Variants in MGAT4C observed in about 807,000 individuals in gnomAD.
MGAT4C encodes alpha-1,3-mannosyl-glycoprotein 4-beta-N-acetylglucosaminyltransferase C.
A neutral mutation model predicts 40.1 loss-of-function variants in MGAT4C; 19 were observed. The observed-to-expected ratio is 0.47, with a 90% CI of 0.33 to 0.70. The LOEUF is 0.70. MGAT4C is among the 30% of genes least tolerant of loss of function. The probability of loss-of-function intolerance (pLI) is 0.02; values close to 1 mark genes in which losing one functional copy is unlikely to be tolerated. For missense variants in MGAT4C, 491 were observed against 563.2 expected, an observed-to-expected ratio of 0.87 and a Z score of 1.30; for synonymous variants, 181 against 187.1, an observed-to-expected ratio of 0.97 and a Z score of 0.27.
rs1958978240 is a variant in MGAT4C, at chr12:86,531,312, C to T, written c.-228-96047G>A. Among the ~76,000 whole-genome samples, 5 of 152,074 alleles carry T rather than the reference C, an allele frequency of 3.3e-5. No homozygotes were observed. The South Asian group carries it at 8.3e-4, about 25-fold the overall frequency. On this transcript the variant is annotated intron_variant, in intron 2 of 7. Coordinates refer to the MGAT4C transcript ENST00000548651. ...TCAAATGTGCACTCAAAGAGCTTAC[C>T]CCTGGAAACCACTTATAGACTTCAC...
At chr12:86,631,963 C>G (rs954990210) in intron 2 of MGAT4C, among the ~76,000 whole-genome samples, 1 of 152,040 alleles carries the variant, frequency 6.6e-6, no homozygotes, top group Non-Finnish European at 1.5e-5. Context: ...TCAGAGTGAA[C>G]AGGCAACCTA....
intron 1 of MGAT4C, among the ~76,000 whole-genome samples, chr12:86,791,347 C>CCA (rs1952017054): frequency 6.6e-6 from 1 of 151,796 alleles, no homozygotes; most frequent in South Asian, 2.1e-4. Flanking sequence ...TTGGAAAGGA[C>CCA]CAGATATCAT....
chr12:86,468,879 A>AT (rs1957719177), intron 2 of MGAT4C, among the ~76,000 whole-genome samples: 5 of 152,196 alleles, frequency 3.3e-5, no homozygotes, highest in Admixed American at 3.3e-4. Context: ...TGTAAATTAC[A>AT]TTTTTAACAC....
At chr12:86,496,090 C>T (rs1051432822) in intron 2 of MGAT4C, among the ~76,000 whole-genome samples, 27 of 152,024 alleles carry the variant, frequency 1.8e-4, no homozygotes, top group African/African-American at 6.0e-4. Context: ...GCAATACTTA[C>T]TGTCTCGGTG....
intron 4 of MGAT4C, among the ~76,000 whole-genome samples, chr12:86,315,246 A>T (rs1415186241): frequency 1.3e-5 from 2 of 152,198 alleles, no homozygotes; most frequent in African/African-American, 2.4e-5. Context: ...AAGTTAAAAA[A>T]AATAATAATA....
chr12:86,423,861 G>A (rs765717620), intron 3 of MGAT4C, among the ~76,000 whole-genome samples: 1 of 152,134 alleles, frequency 6.6e-6, no homozygotes, highest in Non-Finnish European at 1.5e-5. Flanking sequence ...TTTTAAAAAT[G>A]TATCTATTTA....
At chr12:86,484,761 C>A (rs959693057) in intron 2 of MGAT4C, among the ~76,000 whole-genome samples, 1 of 152,140 alleles carries the variant, frequency 6.6e-6, no homozygotes, top group African/African-American at 2.4e-5. Flanking sequence ...AGCCCAAATG[C>A]CCAGAACACC....
At chr12:86,385,933 T>C (rs1404637749) in intron 3 of MGAT4C, among the ~76,000 whole-genome samples, 1 of 152,164 alleles carries the variant, frequency 6.6e-6, no homozygotes, top group Admixed American at 6.5e-5. Context: ...TTATTTTTTA[T>C]TTATTTATTT....
At chr12:86,555,709 A>T (rs886958364) in intron 2 of MGAT4C, among the ~76,000 whole-genome samples, 1 of 152,178 alleles carries the variant, frequency 6.6e-6, no homozygotes, top group African/African-American at 2.4e-5. Context: ...ACAGCTGTAA[A>T]TCATATGCTT....
At chr12:86,090,848 C>A (rs1872753153) in intron 1 of MGAT4C, among the ~76,000 whole-genome samples, 1 of 151,938 alleles carries the variant, frequency 6.6e-6, no homozygotes, top group South Asian at 2.1e-4. Flanking sequence ...CATGCTTGGG[C>A]TACCTTCCTA....
intron 2 of MGAT4C, among the ~76,000 whole-genome samples, chr12:86,610,439 C>T (rs1962209824): frequency 1.3e-5 from 2 of 152,126 alleles, no homozygotes; most frequent in Non-Finnish European, 2.9e-5. Flanking sequence ...ATTATCCTCC[C>T]ATGTATCAGC....
At chr12:86,540,148 G>A (rs1959148532) in intron 2 of MGAT4C, among the ~76,000 whole-genome samples, 2 of 152,246 alleles carry the variant, frequency 1.3e-5, no homozygotes, top group South Asian at 4.1e-4. Context: ...GGTTTTTATG[G>A]TTTTAGGTCT....
intron 3 of MGAT4C, among the ~76,000 whole-genome samples, chr12:86,425,698 CCAGCCAAAA>C (rs1956912500): frequency 6.6e-6 from 1 of 152,140 alleles, no homozygotes; most frequent in Non-Finnish European, 1.5e-5. Context: ...AAATCTTGCA[CCAGCCAAAA>C]TCTTGCACCA....
intron 1 of MGAT4C, among the ~76,000 whole-genome samples, chr12:86,792,845 C>T (rs780161238): frequency 7.2e-5 from 11 of 152,056 alleles, no homozygotes; most frequent in Admixed American, 2.6e-4. Context: ...GCAGGAGAAT[C>T]GCTTGAACCT....
At chr12:86,118,359 G>T (rs1278432753) in intron 1 of MGAT4C, among the ~76,000 whole-genome samples, 1 of 152,134 alleles carries the variant, frequency 6.6e-6, no homozygotes, top group Non-Finnish European at 1.5e-5. Flanking sequence ...GAGGCATTTT[G>T]GTAGGGATAG....
intron 1 of MGAT4C, among the ~76,000 whole-genome samples, chr12:86,766,039 G>C (rs1207316815): frequency 6.6e-6 from 1 of 152,076 alleles, no homozygotes; most frequent in Non-Finnish European, 1.5e-5. Flanking sequence ...AATGTAAATG[G>C]ACTAAATGCT....
chr12:86,504,627 G>T (rs1307295506), intron 2 of MGAT4C, among the ~76,000 whole-genome samples: 1 of 152,098 alleles, frequency 6.6e-6, no homozygotes, highest in Non-Finnish European at 1.5e-5. Context: ...GGGATACATT[G>T]CCCTTCTTTC....
chr12:86,562,651 A>G (rs1959922725), intron 2 of MGAT4C, among the ~76,000 whole-genome samples: 1 of 152,026 alleles, frequency 6.6e-6, no homozygotes, highest in Non-Finnish European at 1.5e-5. Flanking sequence ...TTCTAGACCT[A>G]TAACTAAAGT....
At chr12:86,483,854 G>T (rs1047532758) in intron 2 of MGAT4C, among the ~76,000 whole-genome samples, 1 of 146,714 alleles carries the variant, frequency 6.8e-6, no homozygotes, top group Non-Finnish European at 1.5e-5. Context: ...ATGCAGCCAG[G>T]AAGTGCCACT....
Sources: gnomAD v4.1 joint callset for allele counts (sites outside exome capture counted in the v4.1 genomes callset) on GRCh38, gnomAD v4.1.1 for gene constraint, MANE v1.5 for transcripts, NCBI Gene and HGNC (gene_info 2026-07-23, HGNC 2026-07-21) for gene names.